REDIC1: variants seen among roughly 807,000 people sequenced by gnomAD.
REDIC1 encodes the protein regulator of DNA class I crossover intermediates 1, also known as HEI10 Interacting Protein 1.
chr12:39,757,963 T>C, the REDIC1 span: 2 of 152,180 alleles, frequency 1.3e-5, no homozygotes, highest in African/African-American at 4.8e-5. Flanking sequence ...CTCCTTATTA[T>C]ATTTTGATTG....
chr12:39,789,850 T>G, the REDIC1 span, among the ~76,000 whole-genome samples: 1 of 152,124 alleles, frequency 6.6e-6, no homozygotes, highest in African/African-American at 2.4e-5. Context: ...TTTTATAGAG[T>G]GTCTATTCTT....
chr12:39,629,657 G>A, the REDIC1 span, among the ~76,000 whole-genome samples: 1 of 151,960 alleles, frequency 6.6e-6, no homozygotes, highest in Non-Finnish European at 1.5e-5. Flanking sequence ...TCCTTTTTTA[G>A]TTGCTTACTT....
At chr12:39,901,002 T>C in the REDIC1 span, among the ~76,000 whole-genome samples, 3 of 152,026 alleles carry the variant, frequency 2.0e-5, no homozygotes, top group East Asian at 1.9e-4. Flanking sequence ...TATAGATCAA[T>C]GGAACTGAAC....
At chr12:39,869,153 T>G in the REDIC1 span, among the ~76,000 whole-genome samples, 162 of 152,178 alleles carry the variant, frequency 1.1e-3, no homozygotes, top group African/African-American at 3.8e-3. Context: ...AAAAACACAC[T>G]GAAATAAAAA....
the REDIC1 span, chr12:39,760,309 G>A: frequency 6.7e-7 from 1 of 1,486,092 alleles, no homozygotes; most frequent in South Asian, 1.3e-5. Context: ...GGCTTAAGTT[G>A]GAAAGATTAC....
At chr12:39,879,313 G>C in the REDIC1 span, among the ~76,000 whole-genome samples, 1 of 152,200 alleles carries the variant, frequency 6.6e-6, no homozygotes, top group Non-Finnish European at 1.5e-5. Context: ...TGTGAGAAAT[G>C]GGCCACCATC....
At chr12:39,897,706 C>T in the REDIC1 span, among the ~76,000 whole-genome samples, 3 of 151,900 alleles carry the variant, frequency 2.0e-5, no homozygotes, top group Non-Finnish European at 4.4e-5. Context: ...AATTAATTGG[C>T]CTAATGGAGT....
chr12:39,655,757 G>A, the REDIC1 span, among the ~76,000 whole-genome samples: 1 of 152,136 alleles, frequency 6.6e-6, no homozygotes, highest in South Asian at 2.1e-4. Context: ...GGAGGGAAGG[G>A]ATAGCTCCAG....
the REDIC1 span, among the ~76,000 whole-genome samples, chr12:39,896,019 T>C: frequency 0.47 from 65,910 of 141,156 alleles, 16,146 homozygotes; most frequent in East Asian, 0.77. Flanking sequence ...TGTGTATATG[T>C]ATACATACAT....
the REDIC1 span, among the ~76,000 whole-genome samples, chr12:39,804,892 C>A: frequency 6.6e-6 from 1 of 150,756 alleles, no homozygotes; most frequent in South Asian, 2.1e-4. Flanking sequence ...ACTGTTTTGA[C>A]AGGGCTCTCA....
chr12:39,740,248 A>G, the REDIC1 span, among the ~76,000 whole-genome samples: 1 of 152,156 alleles, frequency 6.6e-6, no homozygotes, highest in African/African-American at 2.4e-5. Flanking sequence ...AGTTGGGGGG[A>G]GTAGCACAGT....
At chr12:39,810,181 G>A in the REDIC1 span, among the ~76,000 whole-genome samples, 1 of 152,136 alleles carries the variant, frequency 6.6e-6, no homozygotes, top group Non-Finnish European at 1.5e-5. Flanking sequence ...ATCCACGAGT[G>A]TGATCTACTT....
chr12:39,907,889 A>G, the REDIC1 span: 4 of 152,064 alleles, frequency 2.6e-5, no homozygotes, highest in African/African-American at 9.7e-5. Flanking sequence ...CCTTAGAATC[A>G]ATGCTCCCAA....
chr12:39,871,670 T>A, the REDIC1 span: 1 of 919,504 alleles, frequency 1.1e-6, no homozygotes, highest in South Asian at 3.1e-5. Flanking sequence ...CTAGAAGAAC[T>A]CTAATTTTTT....
the REDIC1 span, among the ~76,000 whole-genome samples, chr12:39,858,091 A>G: frequency 2.6e-5 from 4 of 152,256 alleles, no homozygotes; most frequent in African/African-American, 9.6e-5. Context: ...TGTCCCATAA[A>G]TGGCAAACTT....
the REDIC1 span, among the ~76,000 whole-genome samples, chr12:39,780,732 A>G: frequency 6.6e-6 from 1 of 152,216 alleles, no homozygotes; most frequent in East Asian, 1.9e-4. Context: ...AGTCATTCTA[A>G]TGCAATAAGA....
At chr12:39,682,126 T>G in the REDIC1 span, among the ~76,000 whole-genome samples, 1 of 152,164 alleles carries the variant, frequency 6.6e-6, no homozygotes, top group African/African-American at 2.4e-5. Context: ...TGCTCTTCCT[T>G]GGGAACTTTA....
chr12:39,671,885 T>G, the REDIC1 span, among the ~76,000 whole-genome samples: 4 of 152,182 alleles, frequency 2.6e-5, no homozygotes, highest in South Asian at 6.2e-4. Flanking sequence ...GTTGTTAGAC[T>G]CAGGTGGTGT....
At chr12:39,640,875 C>A in the REDIC1 span, 1 of 950,616 alleles carries the variant, frequency 1.1e-6, no homozygotes, top group East Asian at 2.5e-5. Context: ...AACTCTAAAT[C>A]TTCAATTAAG....
Sources: allele counts gnomAD v4.1 joint callset (sites outside exome capture counted in the v4.1 genomes callset), GRCh38; gene constraint gnomAD v4.1.1; transcripts MANE v1.5; gene names NCBI Gene and HGNC (gene_info 2026-07-23, HGNC 2026-07-21).